Variants in SDE2 observed in about 807,000 individuals in gnomAD.
The protein encoded by SDE2 is spliceosome associated SDE2, also known as splicing regulator SDE2.
In SDE2, 31 loss-of-function variants were observed where a neutral mutation model predicts 46.9. That is an observed-to-expected ratio of 0.66 (90% confidence interval 0.50 to 0.89). The LOEUF is 0.89. SDE2 is among the 40% of genes least tolerant of loss of function. The pLI, the probability that SDE2 is intolerant of heterozygous loss-of-function variation, is 0.00. For missense variants in SDE2, 542 were observed against 564.4 expected (o/e 0.96, Z 0.40); for synonymous variants, 205 against 204.3 (o/e 1.00, Z -0.03).
intron 5 of SDE2, among the ~76,000 whole-genome samples, chr1:225,990,028 T>A (rs1656362979): frequency 6.7e-6 from 1 of 149,964 alleles, no homozygotes; most frequent in Non-Finnish European, 1.5e-5. Flanking sequence ...TGAGCCGAGA[T>A]CGCGCCACTG....
At chr1:225,996,078 G>A (rs1324468859) in intron 1 of SDE2, among the ~76,000 whole-genome samples, 1 of 152,146 alleles carries the variant, frequency 6.6e-6, no homozygotes, top group African/African-American at 2.4e-5. Flanking sequence ...TGAGCTATGT[G>A]ATTATAGTTC....
In SDE2 at chr1:225,984,800, A is replaced by C. The variant is rs748713616; in HGVS notation, c.*502T>G. ...ACTCCAGCCTGGGAGACAGTGTAAG[A>C]CTGTCTCAAAAAAAATAAAATAAAA... On this transcript the variant is annotated 3_prime_UTR_variant, in exon 7 of 7. Coordinates refer to ENST00000272091, the MANE Select transcript of SDE2 (RefSeq NM_152608.4). 1 of 155,836 alleles carries C rather than the reference A, an allele frequency of 6.4e-6. No individual in the cohort carries two copies. Among genetic ancestry groups the C allele is most frequent in the Non-Finnish European group, 1.4e-5 (1 of 70,500 alleles). The allele number at this position is 155,836 out of a possible 1,614,324, so 9.7% of individuals were successfully genotyped here.
chr1:225,988,867 G>C (rs1269482098), intron 5 of SDE2, among the ~76,000 whole-genome samples: 1 of 152,218 alleles, frequency 6.6e-6, no homozygotes, highest in African/African-American at 2.4e-5. Flanking sequence ...ACATTTCAAT[G>C]AGACTGGGAC....
At position 225,995,387 on chromosome 1, in the gene SDE2, G is replaced by GTTCC. The variant is rs1656499065; in HGVS notation, c.121-5_121-4insGGAA. ...AGAAGTTTTCCACTGGAACATTCTA[G>GTTCC]AGACAAATTTGTTTTTTTAATGCCT... is the stretch of plus-strand genomic sequence containing the variant. On this transcript the variant is annotated splice_polypyrimidine_tract_variant and splice_region_variant and intron_variant, in intron 1 of 6. Coordinates refer to ENST00000272091, the MANE Select transcript of SDE2 (RefSeq NM_152608.4). 1 of 1,549,270 alleles carries GTTCC rather than the reference G, an allele frequency of 6.5e-7. No homozygotes were observed. The highest frequency in any genetic ancestry group is 8.9e-7 in the Non-Finnish European group (1 of 1,123,572).
chr1:225,987,446 T>G (rs542835524), intron 6 of SDE2, among the ~76,000 whole-genome samples: 1 of 152,174 alleles, frequency 6.6e-6, no homozygotes, highest in African/African-American at 2.4e-5. Context: ...GGTCTTCACA[T>G]TCAGCTGAAA....
intron 1 of SDE2, among the ~76,000 whole-genome samples, chr1:225,998,024 G>A (rs566184421): frequency 6.6e-6 from 1 of 152,196 alleles, no homozygotes; most frequent in South Asian, 2.1e-4. Context: ...CTATTTGGGA[G>A]GCTGAGGCAG....
rs1431056704 is a variant in SDE2, at chr1:225,988,155, T to C, written c.875A>G (p.His292Arg). 1.2e-6 allele frequency: 2 copies of C among 1,614,112 alleles called. No individual in the cohort carries two copies. The highest frequency in any genetic ancestry group is 1.7e-5 in the Admixed American group (1 of 60,002). Residue 292 changes from histidine (H) to arginine (R), a missense_variant, in exon 6 of 7, where the codon CAT (histidine) becomes CGT (arginine). By Grantham distance (29) the His-to-Arg change is conservative. This residue lies in a region of SDE2 where 401 missense variants were observed against 437.8 expected (regional missense o/e 0.92). Transcript: ENST00000272091. ...LQIPVTDSGR[H>R]ILEDSCAELG... ...CTCAGCACATGAGTCTTCTAAAATA[T>C]GCCTCCCAGAGTCAGTCACCGGGAT...
At position 225,992,839 on chromosome 1, in the gene SDE2, T is replaced by C. The variant is rs1174074448; in HGVS notation, c.350+52A>G. On this transcript the variant is annotated intron_variant, in intron 3 of 6. Coordinates refer to ENST00000272091, the MANE Select transcript of SDE2 (RefSeq NM_152608.4). ...GTGGCATATGTATAATCACTACTAA[T>C]AGGAAAGTATATGTCTCTCCTCAAA... is the stretch of plus-strand genomic sequence containing the variant. 5.9e-6 allele frequency: 6 copies of C among 1,008,670 alleles called. No homozygotes were observed. The East Asian group carries it at 9.5e-5, about 16-fold the overall frequency. 62.5% of individuals were successfully genotyped at this position (1,008,670 alleles called of 1,614,324 possible).
chr1:225,992,453 G>C lies in SDE2; in HGVS notation c.465C>G (p.Asp155Glu). Residue 155 changes from aspartate (D) to glutamate (E), a missense_variant, in exon 4 of 7, where the codon GAC (aspartate) becomes GAG (glutamate). By Grantham distance (45) the Asp-to-Glu change is conservative. Coordinates refer to ENST00000272091, the MANE Select transcript of SDE2 (RefSeq NM_152608.4). ...CCATCTCATGGCACTGCTGCTGGTA[G>C]TCGGGGCTGGTGAAGCAGTGCTTGG... ...VEPKHCFTSP[D>E]YQQQCHEMAE... 6.2e-7 allele frequency: 1 copy of C among 1,613,686 alleles called. No individual in the cohort carries two copies. The highest frequency in any genetic ancestry group is 8.5e-7 in the Non-Finnish European group (1 of 1,179,874).
intron 5 of SDE2, among the ~76,000 whole-genome samples, chr1:225,991,003 A>G (rs532401133): frequency 1.3e-5 from 2 of 152,326 alleles, no homozygotes; most frequent in South Asian, 2.1e-4. Flanking sequence ...ATATAAAGCT[A>G]TTTTTATGTT....
intron 1 of SDE2, among the ~76,000 whole-genome samples, chr1:225,996,422 T>C (rs1412378163): frequency 6.6e-6 from 1 of 152,190 alleles, no homozygotes; most frequent in African/African-American, 2.4e-5. Context: ...ATGAAAATGA[T>C]GTATACTTCA....
In SDE2 at chr1:225,984,240, T is replaced by A. The variant is rs1406197331; in HGVS notation, c.*1062A>T. On this transcript the variant is annotated 3_prime_UTR_variant, in exon 7 of 7. Coordinates refer to ENST00000272091, the MANE Select transcript of SDE2 (RefSeq NM_152608.4). ...CTAGCCTGGGCAACAAAAGCGAAAT[T>A]CCATCTCAAAAAGAAAAAAAAAAGA... 1 of 150,186 alleles carries A rather than the reference T, an allele frequency of 6.7e-6. No individual in the cohort carries two copies. Among genetic ancestry groups the A allele is most frequent in the Non-Finnish European group, 1.5e-5 (1 of 67,518 alleles). 9.3% of individuals were successfully genotyped at this position (150,186 alleles called of 1,614,324 possible). A position where few individuals can be genotyped will look rare whatever the true frequency, so the allele number is the denominator to read the frequency against.
chr1:225,985,856 C>T (rs190041675), intron 6 of SDE2, among the ~76,000 whole-genome samples: 79 of 152,306 alleles, frequency 5.2e-4, no homozygotes, highest in Non-Finnish European at 9.4e-4. Context: ...ACTATTCCCA[C>T]AGAAAGAGCA....
rs779284480 is a variant in SDE2 at position 225,988,220 on chromosome 1, T to C, written c.810A>G (p.Arg270=). The C allele has an allele frequency of 1.2e-6, 2 of 1,614,178 alleles. No individual in the cohort carries two copies. Among genetic ancestry groups the C allele is most frequent in the Middle Eastern group, 1.6e-4 (1 of 6,062 alleles). The change falls in exon 6 of 7, where the codon AGA becomes AGG. Residue 270 remains arginine (R), a synonymous_variant. Transcript: ENST00000272091. ...GTGATCCATGGTCTGTATTCACTAC[T>C]CTCGCCCTCTGAGAACCACTGGGAA... ...AKFPSGSQRA[R]VVNTDHGSPE...
chr1:225,985,526 G>A lies in SDE2; in HGVS notation c.1135-3C>T. Reference sequence around the variant, plus strand: ...TCTATAGTTTCCTTATCAATAACCTGAGGGAAAAAAATAAGAAAATATTTA... The same window carrying A: ...TCTATAGTTTCCTTATCAATAACCTAAGGGAAAAAAATAAGAAAATATTTA... On this transcript the variant is annotated splice_polypyrimidine_tract_variant and splice_region_variant and intron_variant, in intron 6 of 6. Transcript: ENST00000272091. 1 of 1,576,648 alleles carries A rather than the reference G, an allele frequency of 6.3e-7. No individual in the cohort carries two copies. Among genetic ancestry groups the A allele is most frequent in the South Asian group, 1.1e-5 (1 of 89,536 alleles).
In SDE2 at chr1:225,988,237, C is replaced by A. The variant is rs747139088; in HGVS notation, c.793G>T (p.Gly265Cys). The stretch of plus-strand genomic sequence containing the variant: ...TTCACTACTCTCGCCCTCTGAGAAC[C>A]ACTGGGAAATTTGGCTGCCATCTCG... ...GVEMAAKFPS[G>C]SQRARVVNTD... The change falls in exon 6 of 7, where the codon GGT becomes TGT. Residue 265 changes from glycine (G) to cysteine (C), a missense_variant. Transcript: ENST00000272091. 3.7e-6 allele frequency: 6 copies of A among 1,614,020 alleles called. No homozygotes were observed. The highest frequency in any genetic ancestry group is 1.6e-4 in the Middle Eastern group (1 of 6,084).
At chr1:225,989,271 G>T (rs1164421509) in intron 5 of SDE2, among the ~76,000 whole-genome samples, 4 of 143,980 alleles carry the variant, frequency 2.8e-5, no homozygotes, top group Non-Finnish European at 6.0e-5. Flanking sequence ...ACTCCAGCCT[G>T]GGGGACAGAG....
intron 2 of SDE2, among the ~76,000 whole-genome samples, chr1:225,994,287 G>A (rs1320376041): frequency 6.6e-6 from 1 of 152,072 alleles, no homozygotes; most frequent in African/African-American, 2.4e-5. Context: ...ATGTTGGCTA[G>A]CCTGGTCTCG....
At chr1:225,993,111 C>CTTTTTTT (rs869139382) in intron 2 of SDE2, 109 bp from the exon 3 acceptor site, 1 of 304,942 alleles carries the variant, frequency 3.3e-6, no homozygotes, top group Non-Finnish European at 5.6e-6. Context: ...TCTCTACTTT[C>CTTTTTTT]TTTCTTTTTT....
Sources: allele counts gnomAD v4.1 joint callset (sites outside exome capture counted in the v4.1 genomes callset), GRCh38; gene constraint gnomAD v4.1.1; regional missense constraint gnomAD v4.1.1; transcripts MANE v1.5; gene names NCBI Gene and HGNC (gene_info 2026-07-23, HGNC 2026-07-21).